The following CNOT4 variants were observed in gnomAD, a reference collection of about 807,000 sequenced individuals.
CNOT4 encodes CCR4-associated factor 4.
In CNOT4, 8 loss-of-function variants were observed where a neutral mutation model predicts 73.8. That is an observed-to-expected ratio of 0.11 (90% CI 0.06 to 0.20). The LOEUF (loss-of-function observed/expected upper bound fraction) is 0.20, where lower values mean the gene tolerates loss of function less well. Ranked by LOEUF, CNOT4 falls within the 10% of genes least tolerant of loss-of-function variation. The probability of loss-of-function intolerance (pLI) is 1.00; values close to 1 mark genes in which losing one functional copy is unlikely to be tolerated. For missense variants in CNOT4, 564 were observed against 883.4 expected (o/e 0.64, Z 4.58); for synonymous variants, 293 against 321.1 (o/e 0.91, Z 0.94).
At chr7:135,470,378 TC>T (rs774661512) in intron 1 of CNOT4, among the ~76,000 whole-genome samples, 4 of 151,762 alleles carry the variant, frequency 2.6e-5, no homozygotes, top group Non-Finnish European at 5.9e-5. Context: ...GCTATGCTCC[TC>T]CTCAGCCTCC....
Position 135,364,934 on chromosome 7 carries a change from C to T in CNOT4, c.1628-868G>A, listed in dbSNP as rs1382391183. ...GAAAAGGGTGAAGTATAACAACTAC[C>T]TAATTGTTTAACAAATACTTAGATA... On this transcript the variant is annotated intron_variant, in intron 10 of 11. Coordinates refer to ENST00000541284, the MANE Select transcript of CNOT4 (RefSeq NM_001190850.2). This position sits in a 1 kb window ranked among gnomAD's most constrained non-coding sequence, Gnocchi z 4.3. 6.6e-6 allele frequency among the ~76,000 whole-genome samples: 1 copy of T among 152,192 alleles called. No individual in the cohort carries two copies. Among genetic ancestry groups the T allele is most frequent in the Non-Finnish European group, 1.5e-5 (1 of 68,028 alleles).
chr7:135,370,007 A>T (rs1795109707), intron 10 of CNOT4, among the ~76,000 whole-genome samples: 1 of 152,230 alleles, frequency 6.6e-6, no homozygotes, highest in Non-Finnish European at 1.5e-5. Flanking sequence ...TTATTAACTA[A>T]AATATGCAGA....
At chr7:135,387,664 CAT>C (rs1796189688) in intron 10 of CNOT4, 1 of 984,872 alleles carries the variant, frequency 1.0e-6, no homozygotes, top group African/African-American at 1.7e-5. Flanking sequence ...AGAATATGGT[CAT>C]GTTTTCTGAA....
intron 1 of CNOT4, among the ~76,000 whole-genome samples, chr7:135,443,369 G>C (rs1585651095): frequency 6.8e-6 from 1 of 147,332 alleles, no homozygotes; most frequent in African/African-American, 2.5e-5. Context: ...AAAAAAAAAA[G>C]CCTTTTCATA....
intron 1 of CNOT4, among the ~76,000 whole-genome samples, chr7:135,496,017 A>T (rs1412200029): frequency 6.6e-6 from 1 of 152,198 alleles, no homozygotes; most frequent in Non-Finnish European, 1.5e-5. Context: ...TACAGTATAC[A>T]TACAAAAACT....
chr7:135,366,501 C>T (rs1017874857), intron 10 of CNOT4, among the ~76,000 whole-genome samples: 4 of 152,134 alleles, frequency 2.6e-5, no homozygotes, highest in Admixed American at 6.5e-5. Context: ...TCACATATGG[C>T]GCATGATGCA....
At chr7:135,409,908 G>A (rs1797500551) in intron 7 of CNOT4, among the ~76,000 whole-genome samples, 1 of 152,076 alleles carries the variant, frequency 6.6e-6, no homozygotes, top group African/African-American at 2.4e-5. Flanking sequence ...ATATCAGAAT[G>A]AGACTCTCTA....
At chr7:135,444,487 GT>G in intron 1 of CNOT4, 1 of 822,492 alleles carries the variant, frequency 1.2e-6, no homozygotes, top group Non-Finnish European at 2.2e-6. Context: ...GCCCTTTGCA[GT>G]GCCCAAGGAG....
intron 2 of CNOT4, among the ~76,000 whole-genome samples, chr7:135,433,400 A>G (rs1249190014): frequency 7.7e-6 from 1 of 129,898 alleles, no homozygotes. Flanking sequence ...TCTATCACCC[A>G]GGCTGGAGTG....
intron 2 of CNOT4, among the ~76,000 whole-genome samples, chr7:135,425,934 T>C (rs1798467962): frequency 6.6e-6 from 1 of 152,018 alleles, no homozygotes; most frequent in Admixed American, 6.6e-5. Flanking sequence ...AGGTAGACTA[T>C]AAAGATGGGA....
In CNOT4 at chr7:135,368,564, G is replaced by A. The variant is rs886991531; in HGVS notation, c.1628-4498C>T. 2.4e-4 allele frequency among the ~76,000 whole-genome samples: 37 copies of A among 152,178 alleles called. 1 individual carries two copies. The highest frequency in any genetic ancestry group is 6.8e-4 in the African/African-American group (28 of 41,442). On this transcript the variant is annotated intron_variant, in intron 10 of 11. Transcript: ENST00000541284. ...TATATGATTAAAATATGCTACATAA[G>A]TTCAGTAAAAAGACAGGCCAGTTGG...
intron 6 of CNOT4, among the ~76,000 whole-genome samples, chr7:135,412,082 T>A (rs964017390): frequency 1.3e-5 from 2 of 151,978 alleles, no homozygotes; most frequent in South Asian, 2.1e-4. Context: ...AAATTATTTT[T>A]AAAAATACAT....
chr7:135,456,016 C>T (rs187467969), intron 1 of CNOT4, among the ~76,000 whole-genome samples: 4 of 152,248 alleles, frequency 2.6e-5, no homozygotes, highest in East Asian at 1.9e-4. Flanking sequence ...GTAACATTGA[C>T]GAAAACAGAA....
intron 1 of CNOT4, among the ~76,000 whole-genome samples, chr7:135,475,816 T>A (rs1042119409): frequency 5.3e-5 from 8 of 151,892 alleles, no homozygotes; most frequent in Non-Finnish European, 8.8e-5. Context: ...GAGTCTGAAG[T>A]GGGAGGACAG....
intron 3 of CNOT4, among the ~76,000 whole-genome samples, chr7:135,420,784 C>T (rs3812287): frequency 0.17 from 25,050 of 151,012 alleles, 2,482 homozygotes; most frequent in Non-Finnish European, 0.22. Context: ...TTCAAGGAAA[C>T]GATCAAAGGT....
chr7:135,448,883 T>G lies in CNOT4; in HGVS notation c.-92-10460A>C, dbSNP rs185224730. Among the ~76,000 whole-genome samples the G allele has an allele frequency of 1.1e-3, 165 of 151,840 alleles. 1 individual carries two copies. Among genetic ancestry groups the G allele is most frequent in the African/African-American group, 3.7e-3 (153 of 41,392 alleles). On this transcript the variant is annotated intron_variant, in intron 1 of 11. Coordinates refer to ENST00000541284, the MANE Select transcript of CNOT4 (RefSeq NM_001190850.2). ...AGAACTGGCAAACTTGAAGACAGATTGATAGAGATGATGCAATCCAAAGAA... is the reference window on the plus strand; with the variant it reads ...AGAACTGGCAAACTTGAAGACAGATGGATAGAGATGATGCAATCCAAAGAA...
intron 6 of CNOT4, among the ~76,000 whole-genome samples, chr7:135,412,245 A>C (rs1408316931): frequency 6.6e-6 from 1 of 151,936 alleles, no homozygotes; most frequent in Non-Finnish European, 1.5e-5. Flanking sequence ...CAGTTCATAA[A>C]GACAGGTTAA....
chr7:135,424,447 A>AC lies in CNOT4; in HGVS notation c.175-2095dup, dbSNP rs1037781072. ...TTTGCACCTAGAAAAGCTGTTTTCT[A>AC]CCCCAGAATTCCTGGGGTAGTTCCT... On this transcript the variant is annotated intron_variant, in intron 2 of 11. Coordinates refer to ENST00000541284, the MANE Select transcript of CNOT4 (RefSeq NM_001190850.2). 1.3e-3 allele frequency among the ~76,000 whole-genome samples: 193 copies of AC among 152,268 alleles called. 3 individuals are homozygous for AC. The highest frequency in any genetic ancestry group is 4.2e-3 in the African/African-American group (176 of 41,552).
At chr7:135,444,449 C>T (rs968413246) in intron 1 of CNOT4, 17 of 772,600 alleles carry the variant, frequency 2.2e-5, no homozygotes, top group African/African-American at 3.4e-5. Context: ...TCCTCAGGAA[C>T]GAGATGGCGG....
Sources: gnomAD v4.1 joint callset for allele counts (sites outside exome capture counted in the v4.1 genomes callset) on GRCh38, gnomAD v4.1.1 for gene constraint, Gnocchi (gnomAD v3.1) non-coding constraint, MANE v1.5 for transcripts, NCBI Gene and HGNC (gene_info 2026-07-23, HGNC 2026-07-21) for gene names.